KIF16B: variants seen among roughly 807,000 people sequenced by gnomAD.
KIF16B encodes the protein kinesin-like protein KIF16B.
A neutral mutation model predicts 156.3 loss-of-function variants in KIF16B; 98 were observed. The ratio of observed to expected loss-of-function variants is 0.63; its 90% CI spans 0.53 to 0.74. The LOEUF (loss-of-function observed/expected upper bound fraction) is 0.74, where lower values mean the gene tolerates loss of function less well. Among genes scored for constraint, KIF16B ranks in the 30% least tolerant of loss-of-function variants. The probability of loss-of-function intolerance (pLI) is 0.00; values close to 1 mark genes in which losing one functional copy is unlikely to be tolerated. For missense variants in KIF16B, 1,421 were observed against 1,606.5 expected, an observed-to-expected ratio of 0.88 and a Z score of 1.97; for synonymous variants, 564 against 583.7, an observed-to-expected ratio of 0.97 and a Z score of 0.49.
At chr20:16,358,811 T>C (rs939117930) in intron 22 of KIF16B, among the ~76,000 whole-genome samples, 2 of 152,230 alleles carry the variant, frequency 1.3e-5, no homozygotes, top group African/African-American at 2.4e-5. Flanking sequence ...TGCCTAGGCA[T>C]GTTCTGTCAG....
Position 16,506,090 on chromosome 20 carries a change from ACCCCGGTGGCT to A in KIF16B, c.789_799del (p.Ala264Ter), listed in dbSNP as rs1424625103. The A allele has an allele frequency of 6.2e-7, 1 of 1,613,872 alleles. No homozygotes were observed. On this transcript the variant is annotated frameshift_variant, in exon 8 of 26. Transcript: ENST00000354981. LOFTEE classifies it high-confidence loss of function. The stretch of plus-strand genomic sequence containing the variant: ...AATATTTCCCCCTTCCTTTAGCCTA[ACCCCGGTGGCT>A]CCGGTGGCATCTGCACGCTCACTTC...
intron 12 of KIF16B, among the ~76,000 whole-genome samples, chr20:16,479,632 T>TAAAA (rs1600504539): frequency 6.6e-6 from 1 of 152,188 alleles, no homozygotes; most frequent in East Asian, 1.9e-4. Context: ...CATAAGATTA[T>TAAAA]AGTAACCCCG....
chr20:16,312,461 G>T, intron 24 of KIF16B, 43 bp from the exon 25 acceptor site: 1 of 1,290,328 alleles, frequency 7.7e-7, no homozygotes, highest in Non-Finnish European at 1.1e-6. Context: ...TAGCATACCT[G>T]TTAATTGTTG....
intron 1 of KIF16B, among the ~76,000 whole-genome samples, chr20:16,556,859 C>T (rs1439892208): frequency 6.6e-6 from 1 of 152,118 alleles, no homozygotes; most frequent in African/African-American, 2.4e-5. Context: ...GGTTAGCTAC[C>T]CCTTTACTGT....
At chr20:16,512,741 T>TA in intron 5 of KIF16B, 85 bp downstream of exon 5, 1 of 844,936 alleles carries the variant, frequency 1.2e-6, no homozygotes, top group Admixed American at 1.9e-5. Context: ...CTAAAGACCT[T>TA]ATCCATTTCC....
At chr20:16,542,665 G>T (rs1036272870) in intron 1 of KIF16B, among the ~76,000 whole-genome samples, 1 of 152,184 alleles carries the variant, frequency 6.6e-6, no homozygotes, top group Non-Finnish European at 1.5e-5. Flanking sequence ...GACTTTGGGG[G>T]AAGGGCAAGA....
At chr20:16,472,325 A>G (rs2067684552) in intron 12 of KIF16B, among the ~76,000 whole-genome samples, 2 of 152,126 alleles carry the variant, frequency 1.3e-5, no homozygotes, top group African/African-American at 4.8e-5. Flanking sequence ...TATATAGATT[A>G]TCTCTTTACA....
intron 12 of KIF16B, among the ~76,000 whole-genome samples, chr20:16,486,943 C>A (rs1277417254): frequency 6.6e-6 from 1 of 152,040 alleles, no homozygotes; most frequent in Non-Finnish European, 1.5e-5. Context: ...ACGTTTGTAC[C>A]AAGAAGAGGT....
At chr20:16,326,827 C>T (rs1028554434) in intron 24 of KIF16B, among the ~76,000 whole-genome samples, 4 of 151,672 alleles carry the variant, frequency 2.6e-5, no homozygotes, top group African/African-American at 4.8e-5. Flanking sequence ...TACTGGGTAT[C>T]GACCCAGAGG....
Position 16,380,084 on chromosome 20 carries a change from G to T in KIF16B, c.1918C>A (p.Gln640Lys). Residue 640 changes from glutamine (Q) to lysine (K), a missense_variant, in exon 19 of 26, where the codon CAG becomes AAG. By Grantham distance (53) the Gln-to-Lys change is moderately conservative (BLOSUM62 1). Transcript: ENST00000354981. ...LERMQQEVET[Q>K]RKETEIVQLQ... ...TGCACGATTTCTGTCTCCTTGCGCT[G>T]GGTCTCCACCTCCTGCTGCATCCGC... 6.5e-7 allele frequency: 1 copy of T among 1,540,322 alleles called. No homozygotes were observed. The highest frequency in any genetic ancestry group is 1.4e-5 in the African/African-American group (1 of 72,248).
chr20:16,361,509 G>T (rs2123199665), intron 22 of KIF16B, among the ~76,000 whole-genome samples: 1 of 152,312 alleles, frequency 6.6e-6, no homozygotes, highest in Admixed American at 6.5e-5. Flanking sequence ...AAATACATCT[G>T]ATTTGGATTT....
chr20:16,563,320 C>T (rs2071136618), intron 1 of KIF16B, among the ~76,000 whole-genome samples: 2 of 152,140 alleles, frequency 1.3e-5, no homozygotes, highest in Non-Finnish European at 2.9e-5. Flanking sequence ...GATTTTTTCC[C>T]CTGTCTTTTT....
intron 23 of KIF16B, among the ~76,000 whole-genome samples, chr20:16,349,500 T>C (rs186165988): frequency 3.3e-5 from 5 of 152,356 alleles, no homozygotes; most frequent in Admixed American, 3.3e-4. Flanking sequence ...CTTGCAGGAA[T>C]GTTGGCCCTA....
chr20:16,551,072 G>C (rs1469193809), intron 1 of KIF16B, among the ~76,000 whole-genome samples: 1 of 151,558 alleles, frequency 6.6e-6, no homozygotes, highest in Non-Finnish European at 1.5e-5. Flanking sequence ...TGACTGTCCA[G>C]GTTTTCTAAT....
At chr20:16,403,023 A>G (rs1428465947) in intron 17 of KIF16B, among the ~76,000 whole-genome samples, 1 of 152,216 alleles carries the variant, frequency 6.6e-6, no homozygotes, top group African/African-American at 2.4e-5. Flanking sequence ...CCTGTGCTCA[A>G]AGGAAAGGCT....
chr20:16,472,056 A>T (rs868230298), intron 12 of KIF16B, among the ~76,000 whole-genome samples: 5 of 152,246 alleles, frequency 3.3e-5, no homozygotes, highest in African/African-American at 1.2e-4. Flanking sequence ...ACTGTCGTCT[A>T]TTGAGCACAT....
At chr20:16,526,481 A>AT (rs2069549394) in intron 2 of KIF16B, among the ~76,000 whole-genome samples, 1 of 152,120 alleles carries the variant, frequency 6.6e-6, no homozygotes, top group Non-Finnish European at 1.5e-5. Context: ...ACCTTCAGTG[A>AT]TTTTTTACTG....
intron 12 of KIF16B, among the ~76,000 whole-genome samples, chr20:16,448,972 T>C (rs1394963777): frequency 6.6e-6 from 1 of 151,372 alleles, no homozygotes; most frequent in Non-Finnish European, 1.5e-5. Flanking sequence ...AAGAATACAA[T>C]CTACACTTCA....
At chr20:16,274,656 C>A (rs1241351433) in intron 25 of KIF16B, among the ~76,000 whole-genome samples, 2 of 152,218 alleles carry the variant, frequency 1.3e-5, no homozygotes, top group East Asian at 3.8e-4. Context: ...TGGCCTAAGC[C>A]TGGAGCAGTA....
Sources: allele counts gnomAD v4.1 joint callset (sites outside exome capture counted in the v4.1 genomes callset), GRCh38; gene constraint gnomAD v4.1.1; transcripts MANE v1.5; gene names NCBI Gene and HGNC (gene_info 2026-07-23, HGNC 2026-07-21).